PPEF2: variants seen among roughly 807,000 people sequenced by gnomAD.
PPEF2 encodes protein phosphatase with EF-hand domain 2, also known as serine/threonine-protein phosphatase with EF-hands 2.
PPEF2 carries 84 observed loss-of-function variants against 84.7 expected under a neutral mutation model. The observed-to-expected ratio is 0.99, with a 90% confidence interval of 0.83 to 1.19. The LOEUF is 1.19. Among genes scored for constraint, PPEF2 ranks in the 50% most tolerant of loss-of-function variants. The pLI is 0.00. For synonymous variants in PPEF2, 346 were observed against 345.2 expected (o/e 1.00, Z -0.03); for missense variants, 924 against 937.5 (o/e 0.99, Z 0.19).
At chr4:75,882,826 G>T in intron 10 of PPEF2, 100 bp downstream of exon 10, 1 of 1,325,826 alleles carries the variant, frequency 7.5e-7, no homozygotes, top group South Asian at 1.4e-5. Context: ...ACTCTTAACA[G>T]CCATAATCAG....
intron 10 of PPEF2, among the ~76,000 whole-genome samples, chr4:75,879,495 A>G (rs1724511214): frequency 6.6e-6 from 1 of 152,212 alleles, no homozygotes; most frequent in Non-Finnish European, 1.5e-5. Context: ...TGCTTTCAAT[A>G]CTATCTCTGC....
At chr4:75,899,777 AACC>A (rs1725080267) in intron 1 of PPEF2, among the ~76,000 whole-genome samples, 1 of 83,300 alleles carries the variant, frequency 1.2e-5, no homozygotes, top group African/African-American at 3.3e-5. Flanking sequence ...ATCATGTCCA[AACC>A]AACAAAACTG....
At chr4:75,862,283 A>C (rs1384558311) in intron 16 of PPEF2, among the ~76,000 whole-genome samples, 1 of 118,602 alleles carries the variant, frequency 8.4e-6, no homozygotes, top group Non-Finnish European at 1.6e-5. Flanking sequence ...ACAGAGCGAG[A>C]CTCCATCTCA....
chr4:75,860,581 T>G lies in PPEF2; in HGVS notation c.*86A>C, dbSNP rs1408093150. ...GGATAGGTAAATTTTCAGCATAAAGTTTCACATGGAGAATAAGGGAGATAG... is the reference window on the plus strand; with the variant it reads ...GGATAGGTAAATTTTCAGCATAAAGGTTCACATGGAGAATAAGGGAGATAG... On this transcript the variant is annotated 3_prime_UTR_variant, in exon 17 of 17. Coordinates refer to ENST00000286719, the MANE Select transcript of PPEF2 (RefSeq NM_006239.3). 3.3e-6 allele frequency: 5 copies of G among 1,523,988 alleles called. No individual in the cohort carries two copies. Among genetic ancestry groups the G allele is most frequent in the Non-Finnish European group, 4.5e-6 (5 of 1,120,044 alleles). 94.4% of individuals were successfully genotyped at this position (1,523,988 alleles called of 1,614,324 possible). A position where few individuals can be genotyped will look rare whatever the true frequency, so the allele number is the denominator to read the frequency against.
In PPEF2 at chr4:75,890,142, A is replaced by C. The variant is rs768882796; in HGVS notation, c.242-10T>G. 6.2e-7 allele frequency: 1 copy of C among 1,613,572 alleles called. No homozygotes were observed. Reference sequence around the variant, plus strand: ...CGGGTCAGGAAGTCCCCTAGTCCAGATAGAAAAGGTGGATCAGCTTATGAT... The same window carrying C: ...CGGGTCAGGAAGTCCCCTAGTCCAGCTAGAAAAGGTGGATCAGCTTATGAT... On this transcript the variant is annotated splice_polypyrimidine_tract_variant and intron_variant, in intron 4 of 16. Transcript: ENST00000286719.
intron 2 of PPEF2, among the ~76,000 whole-genome samples, chr4:75,892,550 A>C (rs1460359018): frequency 6.6e-6 from 1 of 152,198 alleles, no homozygotes; most frequent in African/African-American, 2.4e-5. Flanking sequence ...AAATGAATGC[A>C]TCATACGATG....
chr4:75,888,626 T>G (rs1331720710), intron 5 of PPEF2, among the ~76,000 whole-genome samples: 1 of 152,244 alleles, frequency 6.6e-6, no homozygotes, highest in Non-Finnish European at 1.5e-5. Flanking sequence ...ATTGTTTCAG[T>G]AAAGTATGAC....
Position 75,866,189 on chromosome 4 carries a change from C to G in PPEF2, c.1920G>C (p.Glu640Asp), listed in dbSNP as rs1560479293. Residue 640 changes from glutamate (E) to aspartate (D), a missense_variant and splice_region_variant, in exon 15 of 17, where the codon GAG becomes GAC. Coordinates refer to ENST00000286719, the MANE Select transcript of PPEF2 (RefSeq NM_006239.3). ...KNLAKEQLSR[E>D]NIQSSLLETL... is the part of the protein sequence containing the mutation. The stretch of plus-strand genomic sequence containing the variant: ...TCATCCACCATTACCACACCGTTAC[C>G]TCGCGACTCAGTTGTTCCTTGGCCA... 9 of 1,609,744 alleles carry G rather than the reference C, an allele frequency of 5.6e-6. No homozygotes were observed. Among genetic ancestry groups the G allele is most frequent in the Non-Finnish European group, 7.6e-6 (9 of 1,177,470 alleles).
chr4:75,901,497 G>A (rs1353749650), intron 1 of PPEF2, among the ~76,000 whole-genome samples: 1 of 150,696 alleles, frequency 6.6e-6, no homozygotes, highest in Non-Finnish European at 1.5e-5. Flanking sequence ...CTCCAGCCTG[G>A]GTGACAGAGC....
At position 75,860,741 on chromosome 4, in the gene PPEF2, CT is replaced by C. The variant is rs1419585752; in HGVS notation, c.2187del (p.Glu730ArgfsTer37). The C allele has an allele frequency of 6.2e-7, 1 of 1,614,130 alleles. No individual in the cohort carries two copies. The highest frequency in any genetic ancestry group is 8.5e-7 in the Non-Finnish European group (1 of 1,180,052). On this transcript the variant is annotated frameshift_variant, in exon 17 of 17. Transcript: ENST00000286719. LOFTEE classifies it low-confidence loss of function (END_TRUNC). ...TGTGGGCATTCTGAGGCATCGCCCT[CT>C]GGGCAGGATTTCTCCACAAGGCGGA... ...EAFRLVEKSC[P>X]EGDASECPQA... is the part of the protein sequence containing the mutation.
chr4:75,888,097 T>G, intron 6 of PPEF2, 117 bp downstream of exon 6: 1 of 751,272 alleles, frequency 1.3e-6, no homozygotes, highest in Non-Finnish European at 2.3e-6. Context: ...CCTGAAGGGG[T>G]TAAATTTGGC....
At position 75,864,066 on chromosome 4, in the gene PPEF2, T is replaced by C. The variant is rs1188571786; in HGVS notation, c.2008+374A>G. Among the ~76,000 whole-genome samples the C allele has an allele frequency of 2.6e-5, 4 of 151,888 alleles. No homozygotes were observed. In the East Asian group the frequency reaches 7.7e-4, roughly 29 times the overall value. On this transcript the variant is annotated intron_variant, in intron 16 of 16. Transcript: ENST00000286719. Reference sequence around the variant, plus strand: ...TTTTGTGTTTTTAGTAGAGACTGGGTTTCTTCATGTTGGCCAGACTGGTCT... The same window carrying C: ...TTTTGTGTTTTTAGTAGAGACTGGGCTTCTTCATGTTGGCCAGACTGGTCT...
intron 7 of PPEF2, 45 bp from the exon 8 acceptor site, chr4:75,884,805 A>T (rs1724682966): frequency 6.8e-7 from 1 of 1,478,638 alleles, no homozygotes; most frequent in African/African-American, 1.4e-5. Flanking sequence ...GGAGGAAGGA[A>T]ATAGGAAATC....
rs763143738 is a variant in PPEF2, at chr4:75,872,074, C to T, written c.1600G>A (p.Val534Met). 40 of 1,613,652 alleles carry T rather than the reference C, an allele frequency of 2.5e-5. No individual in the cohort carries two copies. Among genetic ancestry groups the T allele is most frequent in the Middle Eastern group, 1.6e-4 (1 of 6,082 alleles). The change falls in exon 13 of 17, where the codon GTG (valine) becomes ATG (methionine). Residue 534 changes from valine to methionine, a missense_variant. Val to Met is a conservative substitution (Grantham distance 21). Coordinates refer to ENST00000286719, the MANE Select transcript of PPEF2 (RefSeq NM_006239.3). The stretch of plus-strand genomic sequence containing the variant: ...GTCACCTTGTTAGCTTGATACTGCA[C>T]AATATGTGGGGTCAGGGCTGGCCCC... The part of the protein sequence containing the change: ...KLGPALTPHI[V>M]QYQANKVTHT...
chr4:75,864,193 T>G (rs1724074530), intron 16 of PPEF2, among the ~76,000 whole-genome samples: 1 of 152,164 alleles, frequency 6.6e-6, no homozygotes, highest in South Asian at 2.1e-4. Flanking sequence ...TTCTAATAAT[T>G]ATTCTTCCTA....
At position 75,883,290 on chromosome 4, in the gene PPEF2, G is replaced by T. The variant is rs1724626481; in HGVS notation, c.747-88C>A. 2.5e-6 allele frequency: 3 copies of T among 1,221,888 alleles called. No individual in the cohort carries two copies. The Admixed American group carries it at 5.2e-5, about 21-fold the overall frequency. The allele number at this position is 1,221,888 out of a possible 1,614,324, so 75.7% of individuals were successfully genotyped here. A position where few individuals can be genotyped will look rare whatever the true frequency, so the allele number is the denominator to read the frequency against. On this transcript the variant is annotated intron_variant, in intron 8 of 16. Transcript: ENST00000286719. ...ACATTTTTAGAAGAATGCATATTCT[G>T]GGTATATGTACTTAAATACATAGAA...
chr4:75,880,249 A>G (rs909743135), intron 10 of PPEF2, among the ~76,000 whole-genome samples: 2 of 152,198 alleles, frequency 1.3e-5, no homozygotes, highest in African/African-American at 4.8e-5. Flanking sequence ...GGCATTTTCT[A>G]TAAATTAGTT....
intron 10 of PPEF2, among the ~76,000 whole-genome samples, chr4:75,877,154 A>T (rs1048558106): frequency 1.3e-5 from 2 of 151,778 alleles, no homozygotes; most frequent in Non-Finnish European, 2.9e-5. Flanking sequence ...CCTGACCAAC[A>T]TGGAGAAACC....
intron 10 of PPEF2, among the ~76,000 whole-genome samples, chr4:75,882,137 A>G (rs1724591713): frequency 6.6e-6 from 1 of 152,170 alleles, no homozygotes; most frequent in Non-Finnish European, 1.5e-5. Flanking sequence ...CTCCAACCCC[A>G]ACACATTCTG....
Sources: gnomAD v4.1 joint callset for allele counts (sites outside exome capture counted in the v4.1 genomes callset) on GRCh38, gnomAD v4.1.1 for gene constraint, MANE v1.5 for transcripts, NCBI Gene and HGNC (gene_info 2026-07-23, HGNC 2026-07-21) for gene names.